LDLRAD3: variants seen among roughly 807,000 people sequenced by gnomAD.
LDLRAD3 encodes the protein low density lipoprotein receptor class A domain containing 3.
Under a neutral mutation model 29.4 loss-of-function variants are expected in LDLRAD3, and 20 were observed. The ratio of observed to expected loss-of-function variants is 0.68; its 90% CI spans 0.48 to 0.99. LDLRAD3 has a LOEUF of 0.99. Ranked by LOEUF, LDLRAD3 falls within the 50% of genes least tolerant of loss-of-function variation. The pLI is 0.00. For missense variants in LDLRAD3, 420 were observed against 454.3 expected (o/e 0.92, Z 0.69); for synonymous variants, 157 against 192.7 (o/e 0.81, Z 1.53).
chr11:36,197,486 C>T (rs1855051659), intron 4 of LDLRAD3: 1 of 152,160 alleles, frequency 6.6e-6, no homozygotes, highest in South Asian at 2.1e-4. Flanking sequence ...TGTGGTTTCC[C>T]CTTCAGGAAA....
chr11:36,054,052 C>T (rs1023082298), intron 2 of LDLRAD3, among the ~76,000 whole-genome samples: 2 of 152,136 alleles, frequency 1.3e-5, no homozygotes, highest in Admixed American at 1.3e-4. Context: ...CAAGTGTAAA[C>T]GATTATGAAA....
chr11:36,163,181 T>C (rs1404614886), intron 4 of LDLRAD3: 1 of 152,262 alleles, frequency 6.6e-6, no homozygotes, highest in Non-Finnish European at 1.5e-5. Flanking sequence ...ATAAGCAGTT[T>C]TGGTTGATTT....
intron 1 of LDLRAD3, chr11:36,010,171 A>G (rs1290392486): frequency 6.5e-6 from 1 of 154,398 alleles, no homozygotes; most frequent in Non-Finnish European, 1.5e-5. Flanking sequence ...TGCAGGCAGA[A>G]GAAATGCAAA....
chr11:36,147,098 CTTTTTTTTTTTTTTT>C (rs55747441), intron 4 of LDLRAD3, among the ~76,000 whole-genome samples: 2 of 48,124 alleles, frequency 4.2e-5, no homozygotes, highest in Non-Finnish European at 3.7e-5. Context: ...CCCATATTTA[CTTTTTTTTTTTTTTT>C]TTTTTTTTTT....
intron 2 of LDLRAD3, among the ~76,000 whole-genome samples, chr11:36,054,115 G>A (rs1273937089): frequency 6.6e-6 from 1 of 152,148 alleles, no homozygotes; most frequent in Non-Finnish European, 1.5e-5. Flanking sequence ...AATATCCCAG[G>A]TTGTGTGCCA....
chr11:35,953,799 G>T (rs749024548), intron 1 of LDLRAD3, among the ~76,000 whole-genome samples: 2 of 152,162 alleles, frequency 1.3e-5, no homozygotes, highest in Non-Finnish European at 2.9e-5. Flanking sequence ...TGTAAAGAAT[G>T]GTTAATGCTA....
At chr11:36,118,581 C>T in intron 4 of LDLRAD3, among the ~76,000 whole-genome samples, 1 of 151,942 alleles carries the variant, frequency 6.6e-6, no homozygotes, top group Non-Finnish European at 1.5e-5. Context: ...AGTAGAAGCC[C>T]TAAACTGAAC....
intron 2 of LDLRAD3, among the ~76,000 whole-genome samples, chr11:36,041,590 T>G (rs545088088): frequency 6.6e-6 from 1 of 152,342 alleles, no homozygotes; most frequent in East Asian, 1.9e-4. Flanking sequence ...ATGTTTTCCT[T>G]GAAGAGACTG....
intron 4 of LDLRAD3, among the ~76,000 whole-genome samples, chr11:36,141,306 A>C (rs1854083628): frequency 6.6e-6 from 1 of 151,850 alleles, no homozygotes; most frequent in African/African-American, 2.4e-5. Context: ...AGTGATTTAC[A>C]CTCTCCATAC....
intron 2 of LDLRAD3, among the ~76,000 whole-genome samples, chr11:36,065,906 G>A (rs1053418379): frequency 1.3e-5 from 2 of 152,204 alleles, no homozygotes; most frequent in Non-Finnish European, 2.9e-5. Flanking sequence ...CATCAGAAAT[G>A]AGCTTCCTCT....
At chr11:36,118,382 TA>T (rs1464687564) in intron 4 of LDLRAD3, among the ~76,000 whole-genome samples, 2 of 152,048 alleles carry the variant, frequency 1.3e-5, no homozygotes, top group Non-Finnish European at 2.9e-5. Flanking sequence ...AAAATTAACT[TA>T]TGGTGTAGTG....
intron 1 of LDLRAD3, among the ~76,000 whole-genome samples, chr11:36,010,737 A>G (rs2475848): frequency 0.92 from 139,680 of 152,250 alleles, 65,263 homozygotes; most frequent in East Asian, 1. Flanking sequence ...CCTGCAAAGC[A>G]GCCTGGGTGG....
At chr11:35,962,607 A>G (rs985279947) in intron 1 of LDLRAD3, among the ~76,000 whole-genome samples, 1 of 152,198 alleles carries the variant, frequency 6.6e-6, no homozygotes, top group African/African-American at 2.4e-5. Context: ...CATACAGTGG[A>G]CTAAAGAGCC....
intron 4 of LDLRAD3, 135 bp from the exon 5 acceptor site, chr11:36,226,950 G>T: frequency 1.5e-6 from 1 of 662,740 alleles, no homozygotes; most frequent in Non-Finnish European, 2.6e-6. Context: ...ACATTTGGGC[G>T]GTTTCCACTT....
chr11:36,125,691 C>T (rs575856111), intron 4 of LDLRAD3, among the ~76,000 whole-genome samples: 2 of 152,340 alleles, frequency 1.3e-5, no homozygotes, highest in South Asian at 2.1e-4. Flanking sequence ...CGGCACCCAA[C>T]TGCCCAAACA....
intron 3 of LDLRAD3, among the ~76,000 whole-genome samples, chr11:36,091,775 C>T (rs142937246): frequency 7.9e-5 from 12 of 152,250 alleles, no homozygotes; most frequent in South Asian, 2.1e-4. Context: ...ATTTGGAGCA[C>T]GTTAAATATG....
At chr11:36,007,479 ATGTT>A (rs1353030676) in intron 1 of LDLRAD3, among the ~76,000 whole-genome samples, 1 of 152,132 alleles carries the variant, frequency 6.6e-6, no homozygotes, top group Admixed American at 6.5e-5. Flanking sequence ...CTGGTTAATC[ATGTT>A]TCCTTTGTGC....
chr11:36,198,698 C>T (rs16928516), intron 4 of LDLRAD3, among the ~76,000 whole-genome samples: 55,863 of 152,054 alleles, frequency 0.37, 10,446 homozygotes, highest in East Asian at 0.51. Context: ...GCAAGGCTAC[C>T]TCCTGGCACC....
chr11:36,190,287 G>A (rs1392257806), intron 4 of LDLRAD3, among the ~76,000 whole-genome samples: 1 of 152,190 alleles, frequency 6.6e-6, no homozygotes, highest in Non-Finnish European at 1.5e-5. Context: ...TTAAGGTCAG[G>A]AAATCAAGAC....
Sources: gnomAD v4.1 joint callset for allele counts (sites outside exome capture counted in the v4.1 genomes callset) on GRCh38, gnomAD v4.1.1 for gene constraint, MANE v1.5 for transcripts, NCBI Gene and HGNC (gene_info 2026-07-23, HGNC 2026-07-21) for gene names.